Variants in ATXN1 observed in about 807,000 individuals in gnomAD.
ATXN1 encodes ataxin-1.
Under a neutral mutation model 56.4 loss-of-function variants are expected in ATXN1, and 8 were observed. The observed-to-expected ratio is 0.14, with a 90% CI of 0.08 to 0.26. The LOEUF is 0.26. Among genes scored for constraint, ATXN1 ranks in the 10% least tolerant of loss-of-function variants. The probability of loss-of-function intolerance (pLI) is 1.00; values close to 1 mark genes in which losing one functional copy is unlikely to be tolerated. For missense variants in ATXN1, 987 were observed against 1,106.5 expected, an observed-to-expected ratio of 0.89 and a Z score of 1.53; for synonymous variants, 514 against 494.6, an observed-to-expected ratio of 1.04 and a Z score of -0.52.
chr6:16,402,894 G>A (rs1257434153), intron 6 of ATXN1, among the ~76,000 whole-genome samples: 1 of 152,158 alleles, frequency 6.6e-6, no homozygotes, highest in Admixed American at 6.5e-5. Flanking sequence ...TACATCAAAC[G>A]TTATCTTAAC....
intron 3 of ATXN1, among the ~76,000 whole-genome samples, chr6:16,629,326 C>T (rs917336062): frequency 2.0e-5 from 3 of 152,044 alleles, no homozygotes; most frequent in African/African-American, 4.8e-5. Flanking sequence ...TTGAAAGTAA[C>T]CTTCTCCCCG....
intron 3 of ATXN1, among the ~76,000 whole-genome samples, chr6:16,624,400 G>C (rs148694099): frequency 2.6e-4 from 40 of 150,950 alleles, no homozygotes; most frequent in African/African-American, 9.0e-4. Flanking sequence ...GGTGGTGACA[G>C]TTGTACAACA....
intron 6 of ATXN1, among the ~76,000 whole-genome samples, chr6:16,331,784 C>T (rs1195604754): frequency 6.6e-6 from 1 of 152,174 alleles, no homozygotes; most frequent in Admixed American, 6.5e-5. Flanking sequence ...GCACAATACA[C>T]AAAACTAGAA....
chr6:16,751,032 G>T (rs1160591078), intron 2 of ATXN1, among the ~76,000 whole-genome samples: 2 of 149,264 alleles, frequency 1.3e-5, no homozygotes, highest in African/African-American at 2.5e-5. Flanking sequence ...GCAGTGGCGA[G>T]ACCTGGGCTC....
chr6:16,710,986 G>A (rs1040884092), intron 2 of ATXN1, among the ~76,000 whole-genome samples: 6 of 152,056 alleles, frequency 3.9e-5, no homozygotes, highest in Non-Finnish European at 7.4e-5. Flanking sequence ...GGGCCCAAGC[G>A]ATCCTCCCAC....
At chr6:16,379,576 T>TATTC (rs761753604) in intron 6 of ATXN1, among the ~76,000 whole-genome samples, 31 of 152,290 alleles carry the variant, frequency 2.0e-4, no homozygotes, top group Non-Finnish European at 2.6e-4. Context: ...AGTAACAGCT[T>TATTC]ATTCATTCAT....
At chr6:16,704,500 A>G (rs963930848) in intron 2 of ATXN1, among the ~76,000 whole-genome samples, 1 of 152,198 alleles carries the variant, frequency 6.6e-6, no homozygotes, top group East Asian at 1.9e-4. Flanking sequence ...TAAAGTATAA[A>G]AAACAGATGC....
chr6:16,634,765 A>G (rs1385470519), intron 3 of ATXN1, among the ~76,000 whole-genome samples: 1 of 152,102 alleles, frequency 6.6e-6, no homozygotes, highest in Non-Finnish European at 1.5e-5. Context: ...TTTCCTGATC[A>G]ATATTCCATT....
At chr6:16,324,179 T>C (rs1264917238) in intron 7 of ATXN1, among the ~76,000 whole-genome samples, 2 of 152,182 alleles carry the variant, frequency 1.3e-5, no homozygotes, top group African/African-American at 4.8e-5. Context: ...TAGGGACTCG[T>C]GTCTGTAATC....
intron 2 of ATXN1, among the ~76,000 whole-genome samples, chr6:16,677,779 T>A (rs1240556511): frequency 6.6e-6 from 1 of 152,242 alleles, no homozygotes; most frequent in Non-Finnish European, 1.5e-5. Flanking sequence ...GCAAGACAAC[T>A]GATGAAATTC....
At chr6:16,597,440 A>T (rs1308252574) in intron 3 of ATXN1, among the ~76,000 whole-genome samples, 2 of 143,082 alleles carry the variant, frequency 1.4e-5, no homozygotes, top group Non-Finnish European at 3.0e-5. Context: ...GCATAAATCT[A>T]TTTTTTTTTT....
At chr6:16,483,357 A>AACATG (rs1348918615) in intron 6 of ATXN1, among the ~76,000 whole-genome samples, 1 of 152,208 alleles carries the variant, frequency 6.6e-6, no homozygotes, top group East Asian at 1.9e-4. Flanking sequence ...TTTATGTGCA[A>AACATG]ACATGCATTC....
intron 3 of ATXN1, among the ~76,000 whole-genome samples, chr6:16,617,115 T>G (rs1237351037): frequency 6.6e-6 from 1 of 152,110 alleles, no homozygotes; most frequent in African/African-American, 2.4e-5. Flanking sequence ...CCCCAGTTGA[T>G]CGGGGGGACT....
chr6:16,460,997 C>T (rs913785586), intron 6 of ATXN1, among the ~76,000 whole-genome samples: 11 of 152,230 alleles, frequency 7.2e-5, no homozygotes, highest in African/African-American at 2.7e-4. Flanking sequence ...CCATTAAATA[C>T]CACAAGGAAA....
intron 7 of ATXN1, among the ~76,000 whole-genome samples, chr6:16,309,895 A>G (rs901860561): frequency 1.3e-5 from 2 of 151,938 alleles, no homozygotes; most frequent in Non-Finnish European, 2.9e-5. Flanking sequence ...TTAGCTGGGC[A>G]TGGTGGCAGG....
At chr6:16,662,298 G>T (rs947598302) in intron 2 of ATXN1, among the ~76,000 whole-genome samples, 1 of 151,972 alleles carries the variant, frequency 6.6e-6, no homozygotes, top group South Asian at 2.1e-4. Context: ...CACACAATTT[G>T]CACAAGCAAT....
chr6:16,427,684 C>T (rs1190078157), intron 6 of ATXN1, among the ~76,000 whole-genome samples: 1 of 152,194 alleles, frequency 6.6e-6, no homozygotes, highest in African/African-American at 2.4e-5. Flanking sequence ...GTGTTGAGCT[C>T]TAGAAGCCAG....
At chr6:16,646,919 TG>T (rs1173501470) in intron 3 of ATXN1, among the ~76,000 whole-genome samples, 1 of 152,240 alleles carries the variant, frequency 6.6e-6, no homozygotes, top group African/African-American at 2.4e-5. Flanking sequence ...CGAAATTCCA[TG>T]AAAGTGGTAT....
intron 4 of ATXN1, among the ~76,000 whole-genome samples, chr6:16,523,258 C>T (rs559125068): frequency 2.8e-4 from 43 of 152,172 alleles, no homozygotes; most frequent in Admixed American, 9.2e-4. Context: ...GTCATAGATC[C>T]GTGCCCATTT....
Sources: allele counts gnomAD v4.1 joint callset (sites outside exome capture counted in the v4.1 genomes callset), GRCh38; gene constraint gnomAD v4.1.1; transcripts MANE v1.5; gene names NCBI Gene and HGNC (gene_info 2026-07-23, HGNC 2026-07-21).